Variants in TBCD observed in about 807,000 individuals in gnomAD.
TBCD encodes the protein tubulin-specific chaperone D.
In TBCD, 105 loss-of-function variants were observed where a neutral mutation model predicts 169.3. That is an observed-to-expected ratio of 0.62 (90% CI 0.53 to 0.73). The LOEUF (loss-of-function observed/expected upper bound fraction) is 0.73. Ranked by LOEUF, TBCD falls within the 30% of genes least tolerant of loss-of-function variation. TBCD has a pLI of 0.00. For synonymous variants in TBCD, 700 were observed against 643.9 expected, an observed-to-expected ratio of 1.09 and a Z score of -1.32; for missense variants, 1,444 against 1,600.1, an observed-to-expected ratio of 0.90 and a Z score of 1.66.
chr17:82,822,808 G>A (rs551994886), intron 13 of TBCD, among the ~76,000 whole-genome samples: 1 of 152,224 alleles, frequency 6.6e-6, no homozygotes, highest in African/African-American at 2.4e-5. Context: ...AGGTCAGTGA[G>A]TGACATGTTG....
rs2053464967 is a variant in TBCD at position 82,831,088 on chromosome 17, CTGAAGGCTG to C, written c.1318+16158_1318+16166del. 1 of 1,614,166 alleles carries C rather than the reference CTGAAGGCTG, an allele frequency of 6.2e-7. No individual in the cohort carries two copies. Among genetic ancestry groups the C allele is most frequent in the Non-Finnish European group, 8.5e-7 (1 of 1,180,024 alleles). ...GCATTCTGTGCTTTTCTTAACAGGC[CTGAAGGCTG>C]TGAGGCTTTGCTCTGGCGGGTAGAG... On this transcript the variant is annotated intron_variant, in intron 13 of 38. Coordinates refer to ENST00000355528, the MANE Select transcript of TBCD (RefSeq NM_005993.5). This position sits in a 1 kb window ranked among gnomAD's most constrained non-coding sequence, Gnocchi z 4.6.
At chr17:82,855,993 C>CTTTTTTTTTTTTTTTTTTTTTT (rs60978063) in intron 13 of TBCD, among the ~76,000 whole-genome samples, 2 of 66,268 alleles carry the variant, frequency 3.0e-5, no homozygotes, top group Non-Finnish European at 2.5e-5. Context: ...TCCCCCCCCA[C>CTTTTTTTTTTTTTTTTTTTTTT]TTTTTTTTTT....
chr17:82,813,182 G>C (rs1276773988), intron 12 of TBCD, among the ~76,000 whole-genome samples: 2 of 152,052 alleles, frequency 1.3e-5, no homozygotes, highest in Non-Finnish European at 2.9e-5. Context: ...AACACCAAAC[G>C]CATCTTTGAG....
intron 14 of TBCD, among the ~76,000 whole-genome samples, chr17:82,876,127 G>A (rs1339605562): frequency 6.6e-6 from 1 of 152,174 alleles, no homozygotes; most frequent in African/African-American, 2.4e-5. Context: ...AACTTGAGCT[G>A]GGGTGAGGTC....
intron 12 of TBCD, 149 bp from the exon 13 acceptor site, chr17:82,814,691 A>G: frequency 2.7e-6 from 2 of 749,942 alleles, no homozygotes; most frequent in Non-Finnish European, 2.2e-6. Context: ...TTGATACTTT[A>G]AAAACTTAGG....
rs2063613772 is a variant in TBCD, at chr17:82,945,289, A to G, written c.*2826A>G. 5 of 152,262 alleles carry G rather than the reference A, an allele frequency of 3.3e-5. No homozygotes were observed. The South Asian group carries it at 1.0e-3, about 31-fold the overall frequency. The allele number at this position is 152,262 out of a possible 1,614,324, so 9.4% of individuals were successfully genotyped here. ...ACAGCAACATCAAGAGACATTGAAGAATGTCTAACCTTTGGGTAATTGGGG... is the reference window on the plus strand; with the variant it reads ...ACAGCAACATCAAGAGACATTGAAGGATGTCTAACCTTTGGGTAATTGGGG... On this transcript the variant is annotated 3_prime_UTR_variant, in exon 39 of 39. Transcript: ENST00000355528.
chr17:82,940,217 G>GTGCACACACACACACA (rs1555672896), intron 37 of TBCD, among the ~76,000 whole-genome samples: 1 of 101,382 alleles, frequency 9.9e-6, no homozygotes, highest in Non-Finnish European at 2.2e-5. Flanking sequence ...TCACTTGCAC[G>GTGCACACACACACACA]CGCGCACACA....
At chr17:82,800,764 A>G in intron 8 of TBCD, 100 bp from the exon 9 acceptor site, 2 of 1,444,730 alleles carry the variant, frequency 1.4e-6, no homozygotes, top group Non-Finnish European at 1.9e-6. Context: ...CTCCTGCCTC[A>G]AGGCCCCTGT....
intron 34 of TBCD, among the ~76,000 whole-genome samples, chr17:82,936,683 G>C (rs867816173): frequency 6.6e-6 from 1 of 152,186 alleles, no homozygotes; most frequent in African/African-American, 2.4e-5. Flanking sequence ...CCTGTTGGGT[G>C]GCTGGAGCTT....
intron 13 of TBCD, among the ~76,000 whole-genome samples, chr17:82,818,302 C>T (rs1047313855): frequency 1.3e-5 from 2 of 152,192 alleles, no homozygotes; most frequent in Admixed American, 6.5e-5. Context: ...AGAAGCTGTG[C>T]TGTCTCTGCA....
At chr17:82,854,871 C>T (rs1320486875) in intron 13 of TBCD, among the ~76,000 whole-genome samples, 3 of 152,162 alleles carry the variant, frequency 2.0e-5, no homozygotes, top group Non-Finnish European at 4.4e-5. Context: ...CTTAACAGTG[C>T]CAATCACAAG....
rs145916908 is a variant in TBCD at position 82,930,121 on chromosome 17, G to A, written c.2992-401G>A. 978 of 273,520 alleles carry A rather than the reference G, an allele frequency of 3.6e-3. 38 individuals carry two copies. In the East Asian group the frequency reaches 0.082, roughly 23 times the overall value. 16.9% of individuals were successfully genotyped at this position (273,520 alleles called of 1,614,324 possible). A position where few individuals can be genotyped will look rare whatever the true frequency, so the allele number is the denominator to read the frequency against. ...CCCCAGGACGTGAGGTGCCCTCTGC[G>A]CCGTGCGGGCGCGTGCGGGGAGACC... On this transcript the variant is annotated intron_variant, in intron 32 of 38. Coordinates refer to ENST00000355528, the MANE Select transcript of TBCD (RefSeq NM_005993.5). The surrounding 1 kb of genome is among the most constrained non-coding windows in gnomAD (Gnocchi z 5.2).
intron 22 of TBCD, among the ~76,000 whole-genome samples, chr17:82,910,090 A>T (rs949277099): frequency 2.0e-5 from 3 of 152,166 alleles, no homozygotes; most frequent in Non-Finnish European, 1.5e-5. Flanking sequence ...GCCTTTGGCT[A>T]TTGTAGGGAA....
intron 11 of TBCD, among the ~76,000 whole-genome samples, chr17:82,809,481 G>A (rs2051268441): frequency 6.6e-6 from 1 of 152,178 alleles, no homozygotes; most frequent in African/African-American, 2.4e-5. Flanking sequence ...CCTACCCTGT[G>A]CCGCGTGTGC....
In TBCD at chr17:82,779,721, A is replaced by AG; in HGVS notation, c.639-1865dup. 1.3e-5 allele frequency among the ~76,000 whole-genome samples: 2 copies of AG among 152,276 alleles called. 1 individual carries two copies. Among genetic ancestry groups the AG allele is most frequent in the South Asian group, 4.1e-4 (2 of 4,830 alleles). On this transcript the variant is annotated intron_variant, in intron 6 of 38. Transcript: ENST00000355528. ...CCAACTAGATGGATGTGCTGGAACA[A>AG]GGGCCGGGAAGGTGGGATGGCCGGA...
intron 36 of TBCD, among the ~76,000 whole-genome samples, chr17:82,938,670 A>G (rs1419852948): frequency 6.6e-6 from 1 of 152,208 alleles, no homozygotes; most frequent in Non-Finnish European, 1.5e-5. Context: ...CCGACTCAGC[A>G]CCTCCAGGGT....
In TBCD at chr17:82,800,864, C is replaced by T. The variant is rs774443065; in HGVS notation, c.818C>T (p.Ala273Val). ...CGCTGAGTCCAGTTCTTGTTTGCAG[C>T]TGCCACTGTCCTCAGGTGCCTCGAT... ...HGKREDCLPY[A>V]ATVLRCLDGC... Residue 273 changes from alanine (A) to valine (V), a missense_variant and splice_region_variant, in exon 9 of 39, where the codon GCT (alanine) becomes GTT (valine). Ala to Val is a moderately conservative substitution (Grantham distance 64). Transcript: ENST00000355528. 118 of 1,612,018 alleles carry T rather than the reference C, an allele frequency of 7.3e-5. No individual in the cohort carries two copies. Among genetic ancestry groups the T allele is most frequent in the Admixed American group, 1.8e-4 (11 of 59,900 alleles).
chr17:82,844,372 T>C (rs1209279067), intron 13 of TBCD, among the ~76,000 whole-genome samples: 1 of 152,082 alleles, frequency 6.6e-6, no homozygotes, highest in Non-Finnish European at 1.5e-5. Flanking sequence ...CCCTGCATCG[T>C]CAGTGTGGCT....
In TBCD at chr17:82,887,205, G is replaced by A. The variant is rs561714814; in HGVS notation, c.1534-2463G>A. Among the ~76,000 whole-genome samples the A allele has an allele frequency of 2.6e-5, 4 of 151,010 alleles. No homozygotes were observed. In the South Asian group the frequency reaches 6.3e-4, roughly 24 times the overall value. ...CACGTGCGCTCACGCGTTTACTTCT[G>A]TGTGATTGTATCACATACAAATTCA... On this transcript the variant is annotated intron_variant, in intron 15 of 38. Transcript: ENST00000355528.
Sources: gnomAD v4.1 joint callset for allele counts (sites outside exome capture counted in the v4.1 genomes callset) on GRCh38, gnomAD v4.1.1 for gene constraint, Gnocchi (gnomAD v3.1) non-coding constraint, MANE v1.5 for transcripts, NCBI Gene and HGNC (gene_info 2026-07-23, HGNC 2026-07-21) for gene names.